Variants in DPP10 observed in about 807,000 individuals in gnomAD.
DPP10 encodes the protein dipeptidyl peptidase like 10, also known as inactive dipeptidyl peptidase 10.
A neutral mutation model predicts 120.9 loss-of-function variants in DPP10; 33 were observed. That is an observed-to-expected ratio of 0.27 (90% CI 0.21 to 0.37). The LOEUF (loss-of-function observed/expected upper bound fraction) is 0.37. Ranked by LOEUF, DPP10 falls within the 10% of genes least tolerant of loss-of-function variation. DPP10 has a pLI of 1.00. For missense variants in DPP10, 816 were observed against 942.8 expected (o/e 0.87, Z 1.76); for synonymous variants, 337 against 326.1 (o/e 1.03, Z -0.36).
chr2:115,244,235 T>TAG (rs1210320075), intron 1 of DPP10, among the ~76,000 whole-genome samples: 4 of 54,018 alleles, frequency 7.4e-5, no homozygotes, highest in African/African-American at 3.4e-4. Flanking sequence ...TATATATATA[T>TAG]ATATAGAGAG....
chr2:115,382,877 G>A (rs183114110), intron 3 of DPP10, among the ~76,000 whole-genome samples: 1 of 152,182 alleles, frequency 6.6e-6, no homozygotes, highest in Non-Finnish European at 1.5e-5. Flanking sequence ...ATACATAATA[G>A]CAACCAATTG....
At chr2:114,830,220 T>C (rs1237233262) in intron 1 of DPP10, among the ~76,000 whole-genome samples, 1 of 152,160 alleles carries the variant, frequency 6.6e-6, no homozygotes, top group East Asian at 1.9e-4. Flanking sequence ...AATATGGTAT[T>C]GATAGCTCTC....
intron 1 of DPP10, among the ~76,000 whole-genome samples, chr2:114,674,842 A>G (rs988541937): frequency 3.9e-5 from 6 of 152,202 alleles, no homozygotes; most frequent in Admixed American, 2.6e-4. Flanking sequence ...AAACGGAGGA[A>G]CTAAAAATTA....
chr2:115,111,272 T>C (rs7606106), intron 1 of DPP10, among the ~76,000 whole-genome samples: 3,602 of 152,142 alleles, frequency 0.024, 123 homozygotes, highest in African/African-American at 0.073. Flanking sequence ...GTTGTATAGC[T>C]TTTTAATGCT....
intron 3 of DPP10, among the ~76,000 whole-genome samples, chr2:115,437,473 AG>A (rs1310791278): frequency 6.6e-6 from 1 of 152,024 alleles, no homozygotes; most frequent in African/African-American, 2.4e-5. Flanking sequence ...AATGATTAAA[AG>A]AGGAACTTGC....
chr2:115,394,182 A>C (rs2067508738), intron 3 of DPP10, among the ~76,000 whole-genome samples: 1 of 152,156 alleles, frequency 6.6e-6, no homozygotes, highest in African/African-American at 2.4e-5. Context: ...TCAGATTTTC[A>C]TTTTTTTAAA....
At chr2:114,576,815 A>G (rs1172731478) in intron 1 of DPP10, among the ~76,000 whole-genome samples, 2 of 152,186 alleles carry the variant, frequency 1.3e-5, no homozygotes, top group Middle Eastern at 3.4e-3. Flanking sequence ...CAACAAAATT[A>G]CTGCCTCTGG....
At chr2:115,648,972 G>A (rs1014010342) in intron 5 of DPP10, among the ~76,000 whole-genome samples, 3 of 152,122 alleles carry the variant, frequency 2.0e-5, no homozygotes, top group African/African-American at 4.8e-5. Context: ...CAGGTGGCAG[G>A]ACTGGCACAG....
chr2:115,419,232 AG>A (rs1241242459), intron 3 of DPP10, among the ~76,000 whole-genome samples: 10 of 152,304 alleles, frequency 6.6e-5, no homozygotes, highest in East Asian at 5.8e-4. Context: ...ATATCAAGAG[AG>A]GAATCCAGGC....
intron 1 of DPP10, among the ~76,000 whole-genome samples, chr2:114,608,016 A>C (rs1278108905): frequency 6.6e-6 from 1 of 152,108 alleles, no homozygotes; most frequent in Non-Finnish European, 1.5e-5. Flanking sequence ...GTTTTCATCC[A>C]CTTTCCATCT....
intron 1 of DPP10, among the ~76,000 whole-genome samples, chr2:115,025,764 C>A (rs1313171975): frequency 1.3e-5 from 2 of 151,818 alleles, no homozygotes; most frequent in African/African-American, 4.8e-5. Context: ...TGATGTTGAG[C>A]TTTTTTTTAT....
chr2:114,856,794 T>A (rs1010107728), intron 1 of DPP10, among the ~76,000 whole-genome samples: 4 of 152,140 alleles, frequency 2.6e-5, no homozygotes, highest in African/African-American at 9.7e-5. Context: ...ATGGGTATAT[T>A]TACTTTGTTA....
At chr2:115,336,111 A>G (rs2063113555) in intron 2 of DPP10, among the ~76,000 whole-genome samples, 1 of 152,096 alleles carries the variant, frequency 6.6e-6, no homozygotes, top group Non-Finnish European at 1.5e-5. Flanking sequence ...TAAAGTCATA[A>G]ATTAGCTTTT....
chr2:114,853,901 A>T (rs189625929), intron 1 of DPP10, among the ~76,000 whole-genome samples: 1 of 152,312 alleles, frequency 6.6e-6, no homozygotes, highest in East Asian at 1.9e-4. Flanking sequence ...CCCAGCCCAG[A>T]TGCTGCCTTC....
At chr2:115,445,843 C>T (rs1336947375) in intron 3 of DPP10, among the ~76,000 whole-genome samples, 2 of 152,178 alleles carry the variant, frequency 1.3e-5, no homozygotes, top group Admixed American at 6.5e-5. Context: ...CCTGTCAGAC[C>T]TCCATGGAAG....
At chr2:114,535,275 T>A (rs1686387419) in intron 1 of DPP10, among the ~76,000 whole-genome samples, 1 of 152,202 alleles carries the variant, frequency 6.6e-6, no homozygotes, top group South Asian at 2.1e-4. Flanking sequence ...CTCGCCTCCA[T>A]AAATTCTAAG....
At chr2:115,632,762 T>A (rs567183730) in intron 5 of DPP10, among the ~76,000 whole-genome samples, 1 of 151,872 alleles carries the variant, frequency 6.6e-6, no homozygotes, top group African/African-American at 2.4e-5. Flanking sequence ...CATCAAAAAG[T>A]GGGCAAAGGA....
Position 114,932,206 on chromosome 2 carries a change from A to G in DPP10, c.61-377033A>G, listed in dbSNP as rs140291432. Among the ~76,000 whole-genome samples, 437 of 152,372 alleles carry G rather than the reference A, an allele frequency of 2.9e-3. 5 individuals are homozygous for G. The highest frequency in any genetic ancestry group is 0.01 in the African/African-American group (416 of 41,592). On this transcript the variant is annotated intron_variant, in intron 1 of 25. Transcript: ENST00000410059. ...GGCAATTTGTTTTATCAAGCCCTCC[A>G]GGTGACTCTGATAGACTAAAGTTTG...
Position 115,513,681 on chromosome 2 carries a change from T to A in DPP10, c.367-12217T>A, listed in dbSNP as rs1575064536. Among the ~76,000 whole-genome samples, 5 of 152,144 alleles carry A rather than the reference T, an allele frequency of 3.3e-5. No individual in the cohort carries two copies. In the South Asian group the frequency reaches 1.0e-3, roughly 32 times the overall value. On this transcript the variant is annotated intron_variant, in intron 4 of 25. Transcript: ENST00000410059. ...TCATTTCATGTTTTTCACCCCTTTGTACTGTAATTTTCATACAAGTTATAT... is the reference window on the plus strand; with the variant it reads ...TCATTTCATGTTTTTCACCCCTTTGAACTGTAATTTTCATACAAGTTATAT...
Sources: gnomAD v4.1 joint callset for allele counts (sites outside exome capture counted in the v4.1 genomes callset) on GRCh38, gnomAD v4.1.1 for gene constraint, MANE v1.5 for transcripts, NCBI Gene and HGNC (gene_info 2026-07-23, HGNC 2026-07-21) for gene names.